The following RABGAP1L variants were observed in gnomAD, a reference collection of about 807,000 sequenced individuals.
The protein encoded by RABGAP1L is rab GTPase-activating protein 1-like.
Under a neutral mutation model 137.7 loss-of-function variants are expected in RABGAP1L, and 63 were observed. The observed-to-expected ratio is 0.46, with a 90% CI of 0.37 to 0.56. The LOEUF (loss-of-function observed/expected upper bound fraction) is 0.56. Ranked by LOEUF, RABGAP1L falls within the 20% of genes least tolerant of loss-of-function variation. RABGAP1L has a pLI of 0.00. For synonymous variants in RABGAP1L, 431 were observed against 433.7 expected, an observed-to-expected ratio of 0.99 and a Z score of 0.08; for missense variants, 1,095 against 1,244.0, an observed-to-expected ratio of 0.88 and a Z score of 1.80.
intron 14 of RABGAP1L, among the ~76,000 whole-genome samples, chr1:174,675,968 A>T (rs1276217358): frequency 6.6e-6 from 1 of 152,204 alleles, no homozygotes; most frequent in Non-Finnish European, 1.5e-5. Context: ...ACCTGCAAGT[A>T]AAACTGAGGG....
At chr1:174,319,997 T>A (rs1679793606) in intron 11 of RABGAP1L, among the ~76,000 whole-genome samples, 1 of 152,184 alleles carries the variant, frequency 6.6e-6, no homozygotes. Context: ...TGCCTTCAGC[T>A]TGCTCACTCT....
chr1:174,910,003 G>A (rs1659796743), intron 19 of RABGAP1L, among the ~76,000 whole-genome samples: 1 of 152,174 alleles, frequency 6.6e-6, no homozygotes, highest in Non-Finnish European at 1.5e-5. Context: ...GCTGGGCATG[G>A]TGGCGGGTGT....
At chr1:174,915,684 C>T (rs6691555) in intron 19 of RABGAP1L, among the ~76,000 whole-genome samples, 3,612 of 152,256 alleles carry the variant, frequency 0.024, 60 homozygotes, top group Middle Eastern at 0.082. Flanking sequence ...CTCAATCTCT[C>T]GACCTCATGA....
At chr1:174,329,110 A>G (rs1680802731) in intron 11 of RABGAP1L, among the ~76,000 whole-genome samples, 1 of 151,984 alleles carries the variant, frequency 6.6e-6, no homozygotes, top group Non-Finnish European at 1.5e-5. Flanking sequence ...ATGCAGACTA[A>G]GAAAATAAAA....
intron 21 of RABGAP1L, among the ~76,000 whole-genome samples, chr1:174,975,765 C>A (rs920456955): frequency 6.6e-6 from 1 of 152,168 alleles, no homozygotes; most frequent in East Asian, 1.9e-4. Flanking sequence ...TGATGTTATT[C>A]AAATCTGAAT....
chr1:174,205,813 C>T (rs1668469248), intron 1 of RABGAP1L, among the ~76,000 whole-genome samples: 1 of 152,076 alleles, frequency 6.6e-6, no homozygotes, highest in Non-Finnish European at 1.5e-5. Context: ...CTTCTGGTAG[C>T]TTTGGTGTTG....
chr1:174,195,615 T>C (rs1454689050), intron 1 of RABGAP1L, among the ~76,000 whole-genome samples: 1 of 79,674 alleles, frequency 1.3e-5, no homozygotes, highest in African/African-American at 5.5e-5. Context: ...CTTTCTTTCT[T>C]TCTTCCTTCC....
At chr1:174,576,085 C>T (rs1668351896) in intron 13 of RABGAP1L, among the ~76,000 whole-genome samples, 1 of 152,178 alleles carries the variant, frequency 6.6e-6, no homozygotes, top group Non-Finnish European at 1.5e-5. Context: ...GAAACACAGT[C>T]TTTCCGTAAC....
chr1:174,863,382 A>G (rs1650624815), intron 19 of RABGAP1L, among the ~76,000 whole-genome samples: 1 of 151,918 alleles, frequency 6.6e-6, no homozygotes, highest in Non-Finnish European at 1.5e-5. Flanking sequence ...GAGTTAAGAA[A>G]TGTTTTCTGG....
At chr1:174,521,146 C>A (rs1184773100) in intron 13 of RABGAP1L, among the ~76,000 whole-genome samples, 2 of 151,998 alleles carry the variant, frequency 1.3e-5, no homozygotes, top group African/African-American at 4.8e-5. Flanking sequence ...AAAATAAAAA[C>A]CTTAATTATA....
chr1:174,311,463 C>G lies in RABGAP1L; in HGVS notation c.1465+6336C>G, dbSNP rs75852551. 2.8e-3 allele frequency among the ~76,000 whole-genome samples: 432 copies of G among 152,270 alleles called. 18 individuals carry two copies. The East Asian group carries it at 0.072, about 25-fold the overall frequency. ...CTAACCGTATCATCATCCTTCTACT[C>G]TCTGTGTCCATGACTTCAATTGTTT... On this transcript the variant is annotated intron_variant, in intron 11 of 25. Coordinates refer to ENST00000681986, the MANE Select transcript of RABGAP1L (RefSeq NM_001366446.1).
intron 20 of RABGAP1L, among the ~76,000 whole-genome samples, chr1:174,962,206 C>CAA (rs1553295732): frequency 2.2e-5 from 3 of 135,432 alleles, no homozygotes; most frequent in Non-Finnish European, 4.7e-5. Context: ...ACCCCCCCCC[C>CAA]ACACACACAC....
At chr1:174,813,971 A>G (rs1329592043) in intron 19 of RABGAP1L, among the ~76,000 whole-genome samples, 3 of 152,210 alleles carry the variant, frequency 2.0e-5, no homozygotes, top group African/African-American at 7.2e-5. Flanking sequence ...AAAGGTTTTC[A>G]AGGGAAATCT....
chr1:174,621,777 G>C (rs12069546), intron 13 of RABGAP1L, among the ~76,000 whole-genome samples: 59,322 of 151,988 alleles, frequency 0.39, 14,584 homozygotes, highest in African/African-American at 0.7. Context: ...CAATACCATT[G>C]AGGACATAGG....
At chr1:174,795,178 A>G (rs914381374) in intron 18 of RABGAP1L, among the ~76,000 whole-genome samples, 2 of 152,098 alleles carry the variant, frequency 1.3e-5, no homozygotes, top group Non-Finnish European at 2.9e-5. Context: ...AAGGATTCAG[A>G]ATATGTCACC....
At chr1:174,544,160 AGT>A (rs1665767302) in intron 13 of RABGAP1L, among the ~76,000 whole-genome samples, 1 of 152,266 alleles carries the variant, frequency 6.6e-6, no homozygotes, top group Non-Finnish European at 1.5e-5. Flanking sequence ...AGGTTGGGTA[AGT>A]TCTCCTGGGT....
rs577630631 is a variant in RABGAP1L, at chr1:174,603,397, G to T, written c.1711-33978G>T. Among the ~76,000 whole-genome samples the T allele has an allele frequency of 2.6e-5, 4 of 152,254 alleles. No individual in the cohort carries two copies. The East Asian group carries it at 7.7e-4, about 29-fold the overall frequency. On this transcript the variant is annotated intron_variant, in intron 13 of 25. Transcript: ENST00000681986. ...GCTACCATCACTTGGACTGTGGTGA[G>T]TCAGACCCGAATCCAGCACAGTACT...
intron 13 of RABGAP1L, among the ~76,000 whole-genome samples, chr1:174,396,637 G>A (rs1185630218): frequency 6.6e-6 from 1 of 151,900 alleles, no homozygotes; most frequent in Non-Finnish European, 1.5e-5. Context: ...GGGGTAGGAG[G>A]TAACTGCCAT....
intron 13 of RABGAP1L, among the ~76,000 whole-genome samples, chr1:174,469,391 A>C (rs1036308616): frequency 1.1e-4 from 16 of 152,170 alleles, no homozygotes; most frequent in Non-Finnish European, 2.9e-5. Context: ...CTAATCCAAC[A>C]TTTCTCAGAA....
Sources: gnomAD v4.1 joint callset for allele counts (sites outside exome capture counted in the v4.1 genomes callset) on GRCh38, gnomAD v4.1.1 for gene constraint, MANE v1.5 for transcripts, NCBI Gene and HGNC (gene_info 2026-07-23, HGNC 2026-07-21) for gene names.